Variants in FBN2 observed in about 807,000 individuals in gnomAD.
FBN2 encodes the protein fibrillin 2, also known as fibrillin-2.
FBN2 carries 105 observed loss-of-function variants against 355.6 expected under a neutral mutation model. That is an observed-to-expected ratio of 0.30 (90% CI 0.25 to 0.35). The LOEUF (loss-of-function observed/expected upper bound fraction) is 0.35. Among genes scored for constraint, FBN2 ranks in the 10% least tolerant of loss-of-function variants. The pLI is 1.00. For synonymous variants in FBN2, 1,350 were observed against 1,301.2 expected, an observed-to-expected ratio of 1.04 and a Z score of -0.81; for missense variants, 3,280 against 3,758.7, an observed-to-expected ratio of 0.87 and a Z score of 3.33.
intron 20 of FBN2, among the ~76,000 whole-genome samples, chr5:128,353,922 T>C (rs530952332): frequency 2.6e-5 from 4 of 152,186 alleles, no homozygotes; most frequent in South Asian, 2.1e-4. Context: ...TACAAATCCA[T>C]TGATAGCACC....
In FBN2 at chr5:128,259,537, A is replaced by T. The variant is rs1423201450; in HGVS notation, c.8657T>A (p.Leu2886Gln). Residue 2886 changes from leucine to glutamine, a missense_variant, in exon 65 of 65, where the codon CTG becomes CAG. Leu to Gln is a moderately radical substitution (Grantham distance 113). Transcript: ENST00000262464. ...PLYKKKELKK[L>Q]EESNEDDYLL... ...GTAGTCATCCTCATTGCTCTCTTCC[A>T]GTTTCTTAAGCTCCTTCTTCTTGTA... The T allele has an allele frequency of 1.2e-6, 2 of 1,613,972 alleles. No individual in the cohort carries two copies. The highest frequency in any genetic ancestry group is 2.2e-5 in the South Asian group (2 of 91,066).
intron 5 of FBN2, among the ~76,000 whole-genome samples, chr5:128,487,370 T>C (rs1016336523): frequency 6.6e-6 from 1 of 152,170 alleles, no homozygotes; most frequent in Non-Finnish European, 1.5e-5. Flanking sequence ...TTACGGTTGG[T>C]TGTTATGATA....
chr5:128,354,135 G>C (rs1751441100), intron 20 of FBN2, among the ~76,000 whole-genome samples: 1 of 152,222 alleles, frequency 6.6e-6, no homozygotes, highest in African/African-American at 2.4e-5. Flanking sequence ...CTTGAGGGGA[G>C]AAACAGGAGA....
At chr5:128,409,740 T>C (rs1219932208) in intron 7 of FBN2, among the ~76,000 whole-genome samples, 2 of 152,178 alleles carry the variant, frequency 1.3e-5, no homozygotes, top group Non-Finnish European at 2.9e-5. Flanking sequence ...ATAAAAGCCA[T>C]ACATACAGAT....
chr5:128,338,071 A>C lies in FBN2; in HGVS notation c.3524T>G (p.Val1175Gly). 1 of 1,614,058 alleles carries C rather than the reference A, an allele frequency of 6.2e-7. No individual in the cohort carries two copies. Among genetic ancestry groups the C allele is most frequent in the Non-Finnish European group, 8.5e-7 (1 of 1,179,904 alleles). The change falls in exon 27 of 65, where the codon GTG becomes GGG. Residue 1175 changes from valine (V) to glycine (G), a missense_variant. Transcript: ENST00000262464. The stretch of plus-strand genomic sequence containing the variant: ...ACACTGAAAGCTGCCCTCAGTGTTC[A>C]CACAGGTGCCACCCCTACAAAGGAG... Reference protein sequence around the residue: ...NPLLCRGGTCVNTEGSFQCDC... With the variant: ...NPLLCRGGTCGNTEGSFQCDC...
chr5:128,368,608 G>T (rs1023033320), intron 16 of FBN2, among the ~76,000 whole-genome samples: 25 of 151,354 alleles, frequency 1.7e-4, no homozygotes, highest in African/African-American at 5.3e-4. Flanking sequence ...AGGAAACTGA[G>T]GCTATCATGT....
intron 8 of FBN2, among the ~76,000 whole-genome samples, chr5:128,399,559 A>C (rs1752741380): frequency 6.6e-6 from 1 of 152,194 alleles, no homozygotes; most frequent in Admixed American, 6.5e-5. Context: ...GAGATGCAGG[A>C]AGAAATGATG....
At chr5:128,386,642 CCTAT>C (rs1230712312) in intron 11 of FBN2, among the ~76,000 whole-genome samples, 1 of 151,948 alleles carries the variant, frequency 6.6e-6, no homozygotes, top group African/African-American at 2.4e-5. Flanking sequence ...GTCGATTCTT[CCTAT>C]CTATGAGCAT....
At chr5:128,504,057 T>C (rs1245398934) in intron 5 of FBN2, among the ~76,000 whole-genome samples, 1 of 152,176 alleles carries the variant, frequency 6.6e-6, no homozygotes, top group African/African-American at 2.4e-5. Flanking sequence ...AGGCTGTTGC[T>C]TCAGAGGTTG....
At chr5:128,513,188 T>C (rs1158320511) in intron 5 of FBN2, among the ~76,000 whole-genome samples, 5 of 152,214 alleles carry the variant, frequency 3.3e-5, no homozygotes, top group Admixed American at 3.3e-4. Context: ...CCACAACTGT[T>C]TATCTGAAAC....
intron 6 of FBN2, among the ~76,000 whole-genome samples, chr5:128,458,879 A>G (rs1423281070): frequency 1.3e-5 from 2 of 152,176 alleles, no homozygotes; most frequent in African/African-American, 2.4e-5. Flanking sequence ...TAACATCACA[A>G]TTAAAAGAGT....
chr5:128,479,851 G>A (rs746035539), intron 5 of FBN2, among the ~76,000 whole-genome samples: 60 of 150,626 alleles, frequency 4.0e-4, no homozygotes, highest in Non-Finnish European at 7.4e-4. Context: ...TGCTTGAGGC[G>A]AGAAGTTCAA....
intron 5 of FBN2, 39 bp downstream of exon 5, chr5:128,519,234 A>C (rs1756365190): frequency 7.3e-7 from 1 of 1,375,026 alleles, no homozygotes; most frequent in Non-Finnish European, 1.0e-6. Flanking sequence ...ACAATAAAAT[A>C]GACTTCTTCA....
At chr5:128,519,438 G>C in intron 4 of FBN2, 70 bp from the exon 5 acceptor site, 1 of 1,105,596 alleles carries the variant, frequency 9.0e-7, no homozygotes. Flanking sequence ...GTGCAGTGAT[G>C]CTGCCAATAA....
intron 34 of FBN2, among the ~76,000 whole-genome samples, chr5:128,327,042 T>C (rs1401594558): frequency 6.6e-6 from 1 of 152,238 alleles, no homozygotes; most frequent in African/African-American, 2.4e-5. Flanking sequence ...GTCAAGCTAA[T>C]GTAGATAATA....
intron 11 of FBN2, among the ~76,000 whole-genome samples, chr5:128,388,504 C>T (rs1228013896): frequency 6.6e-6 from 1 of 152,162 alleles, no homozygotes; most frequent in African/African-American, 2.4e-5. Flanking sequence ...TTTAACACTC[C>T]CTCAAGGACC....
chr5:128,280,554 A>G (rs1488622954), intron 55 of FBN2, among the ~76,000 whole-genome samples: 1 of 152,086 alleles, frequency 6.6e-6, no homozygotes, highest in East Asian at 1.9e-4. Context: ...TCTGCAGAGA[A>G]GGGATAGTGT....
intron 11 of FBN2, among the ~76,000 whole-genome samples, chr5:128,386,810 G>C (rs1027810007): frequency 6.6e-6 from 1 of 152,048 alleles, no homozygotes; most frequent in East Asian, 1.9e-4. Flanking sequence ...CGATGAATTA[G>C]CTTTTTGATG....
chr5:128,264,258 G>A (rs1437755304), intron 62 of FBN2, among the ~76,000 whole-genome samples: 2 of 152,120 alleles, frequency 1.3e-5, no homozygotes, highest in African/African-American at 2.4e-5. Flanking sequence ...CATTATACAG[G>A]AGGAGAAAGC....
Sources: allele counts gnomAD v4.1 joint callset (sites outside exome capture counted in the v4.1 genomes callset), GRCh38; gene constraint gnomAD v4.1.1; transcripts MANE v1.5; gene names NCBI Gene and HGNC (gene_info 2026-07-23, HGNC 2026-07-21).